Variants in SLC4A5 observed in about 807,000 individuals in gnomAD.
SLC4A5 encodes solute carrier family 4 member 5.
Under a neutral mutation model 120.4 loss-of-function variants are expected in SLC4A5, and 96 were observed. That is an observed-to-expected ratio of 0.80 (90% CI 0.68 to 0.94). The LOEUF is 0.94. Among genes scored for constraint, SLC4A5 ranks in the 40% least tolerant of loss-of-function variants. SLC4A5 has a pLI of 0.00. For synonymous variants in SLC4A5, 550 were observed against 571.1 expected, an observed-to-expected ratio of 0.96 and a Z score of 0.53; for missense variants, 1,259 against 1,459.5, an observed-to-expected ratio of 0.86 and a Z score of 2.24.
chr2:74,257,056 T>G (rs1670990048), intron 12 of SLC4A5, among the ~76,000 whole-genome samples: 1 of 152,190 alleles, frequency 6.6e-6, no homozygotes, highest in Admixed American at 6.5e-5. Context: ...CTTGTGCCTC[T>G]TCCTGTCCCT....
At chr2:74,233,701 CT>C in intron 22 of SLC4A5, 138 bp from the exon 23 acceptor site, 1 of 974,730 alleles carries the variant, frequency 1.0e-6, no homozygotes, top group Non-Finnish European at 1.5e-6. Flanking sequence ...CCTTAAACAC[CT>C]TAGGTAGCTG....
intron 4 of SLC4A5, 63 bp from the exon 5 acceptor site, chr2:74,328,249 G>T: frequency 1.0e-6 from 1 of 955,046 alleles, no homozygotes; most frequent in Non-Finnish European, 1.2e-6. Flanking sequence ...GGGCATTGGA[G>T]ATTGACTTCT....
chr2:74,217,435 AAG>A lies in SLC4A5; in HGVS notation c.*1389_*1390del, dbSNP rs1211599732. 5 of 152,306 alleles carry A rather than the reference AAG, an allele frequency of 3.3e-5. No individual in the cohort carries two copies. The East Asian group carries it at 9.6e-4, about 29-fold the overall frequency. 9.4% of individuals were successfully genotyped at this position (152,306 alleles called of 1,614,324 possible). A position where few individuals can be genotyped will look rare whatever the true frequency, so the allele number is the denominator to read the frequency against. ...CAAATAGTTTTCAATCATTCCTTTA[AAG>A]TACTAGGTTGATTAATATTGCAAAG... On this transcript the variant is annotated 3_prime_UTR_variant, in exon 31 of 31. Transcript: ENST00000394019.
intron 13 of SLC4A5, 118 bp from the exon 14 acceptor site, chr2:74,254,824 T>A (rs1670910131): frequency 5.1e-6 from 4 of 778,542 alleles, no homozygotes; most frequent in Non-Finnish European, 8.4e-6. Flanking sequence ...TGCATTTTTT[T>A]TTTTTTTTTG....
chr2:74,299,488 A>G (rs1054046080), intron 7 of SLC4A5, among the ~76,000 whole-genome samples: 1 of 152,156 alleles, frequency 6.6e-6, no homozygotes, highest in South Asian at 2.1e-4. Context: ...GCCCTCCCCA[A>G]CCATGTGGAA....
At chr2:74,307,501 GCT>G (rs941018788) in intron 6 of SLC4A5, 83 of 617,814 alleles carry the variant, frequency 1.3e-4, no homozygotes, top group Non-Finnish European at 2.1e-4. Flanking sequence ...CGCATGGCCA[GCT>G]CTGTCTCATA....
chr2:74,222,520 G>A (rs911701739), intron 29 of SLC4A5, among the ~76,000 whole-genome samples: 1 of 152,190 alleles, frequency 6.6e-6, no homozygotes, highest in Non-Finnish European at 1.5e-5. Flanking sequence ...GAGCATGGGC[G>A]AGCAAGCATT....
At position 74,254,721 on chromosome 2, in the gene SLC4A5, G is replaced by A. The variant is rs553637238; in HGVS notation, c.1026-15C>T. The A allele has an allele frequency of 1.0e-4, 164 of 1,573,600 alleles. 1 individual carries two copies. In the South Asian group the frequency reaches 1.6e-3, roughly 15 times the overall value. On this transcript the variant is annotated splice_polypyrimidine_tract_variant and intron_variant, in intron 13 of 30. Transcript: ENST00000394019. ...TAAACAGAAATCTGCAAAGAAGATG[G>A]AGGAGGAGACAGAGAAGATTAAGGA...
intron 19 of SLC4A5, among the ~76,000 whole-genome samples, chr2:74,244,259 A>G (rs1670535963): frequency 6.6e-6 from 1 of 152,192 alleles, no homozygotes; most frequent in Non-Finnish European, 1.5e-5. Flanking sequence ...GCCCATTATT[A>G]CTAACAGTTC....
chr2:74,265,611 G>A (rs2104055523), intron 8 of SLC4A5, among the ~76,000 whole-genome samples: 1 of 152,294 alleles, frequency 6.6e-6, no homozygotes, highest in East Asian at 1.9e-4. Flanking sequence ...AGAATTTTAA[G>A]TTATTCTAGA....
intron 21 of SLC4A5, among the ~76,000 whole-genome samples, chr2:74,237,954 T>G (rs1183600705): frequency 6.6e-6 from 1 of 151,698 alleles, no homozygotes; most frequent in Non-Finnish European, 1.5e-5. Flanking sequence ...TTACAAAAAT[T>G]AGCCGGGTGT....
At chr2:74,263,126 G>C (rs1247074712) in intron 10 of SLC4A5, among the ~76,000 whole-genome samples, 2 of 152,176 alleles carry the variant, frequency 1.3e-5, no homozygotes, top group Non-Finnish European at 2.9e-5. Context: ...TGCAACCTCC[G>C]TCTCCTGGGT....
At chr2:74,253,038 G>C (rs1670843067) in exon 15 of SLC4A5, 1 of 1,614,072 alleles carries the variant, frequency 6.2e-7, no homozygotes, top group African/African-American at 1.3e-5. Context: ...CATTCTCCAG[G>C]AGGAAGGACG....
intron 19 of SLC4A5, among the ~76,000 whole-genome samples, chr2:74,245,437 C>T (rs1170903427): frequency 2.0e-5 from 3 of 152,194 alleles, no homozygotes; most frequent in Non-Finnish European, 4.4e-5. Context: ...ACTGAATCTA[C>T]AGTCTATAAG....
intron 5 of SLC4A5, among the ~76,000 whole-genome samples, chr2:74,316,324 A>T (rs900602585): frequency 0.018 from 1,874 of 106,788 alleles, 70 homozygotes; most frequent in African/African-American, 0.074. Context: ...AGAGTTGTAA[A>T]AAAAAAAAAA....
intron 16 of SLC4A5, 63 bp from the exon 17 acceptor site, chr2:74,250,580 T>C (rs144768411): frequency 1.9e-6 from 3 of 1,586,892 alleles, no homozygotes; most frequent in East Asian, 4.5e-5. Flanking sequence ...GGCAGGGCTA[T>C]TTACAAGAAC....
intron 21 of SLC4A5, among the ~76,000 whole-genome samples, chr2:74,237,970 C>T (rs1005161024): frequency 9.9e-5 from 15 of 152,110 alleles, no homozygotes; most frequent in Admixed American, 8.5e-4. Context: ...GGTGTGGTGG[C>T]AGGCGCCTGT....
chr2:74,306,011 A>G (rs1203672000), intron 6 of SLC4A5, among the ~76,000 whole-genome samples: 2 of 152,162 alleles, frequency 1.3e-5, no homozygotes, highest in African/African-American at 4.8e-5. Context: ...GGCGTGAGCC[A>G]CCGTGCCTGG....
chr2:74,308,773 G>A (rs1199878651), intron 6 of SLC4A5, among the ~76,000 whole-genome samples: 1 of 150,390 alleles, frequency 6.6e-6, no homozygotes, highest in Non-Finnish European at 1.5e-5. Context: ...TTTTAGGGTT[G>A]TATCTAAAAA....
Sources: allele counts gnomAD v4.1 joint callset (sites outside exome capture counted in the v4.1 genomes callset), GRCh38; gene constraint gnomAD v4.1.1; transcripts MANE v1.5; gene names NCBI Gene and HGNC (gene_info 2026-07-23, HGNC 2026-07-21).